The following ERICH6B variants were observed in gnomAD, a reference collection of about 807,000 sequenced individuals.
ERICH6B encodes glutamate rich 6B, also known as glutamate-rich protein 6B.
ERICH6B carries 69 observed loss-of-function variants against 80.0 expected under a neutral mutation model. The ratio of observed to expected loss-of-function variants is 0.86; its 90% confidence interval spans 0.71 to 1.05. The LOEUF (loss-of-function observed/expected upper bound fraction) is 1.05. ERICH6B is among the 50% of genes least tolerant of loss of function. The probability of loss-of-function intolerance (pLI) is 0.00; values close to 1 mark genes in which losing one functional copy is unlikely to be tolerated. For synonymous variants in ERICH6B, 283 were observed against 291.9 expected (o/e 0.97, Z 0.31); for missense variants, 754 against 796.1 (o/e 0.95, Z 0.64).
intron 2 of ERICH6B, among the ~76,000 whole-genome samples, chr13:45,602,085 A>G (rs2138029918): frequency 6.6e-6 from 1 of 152,298 alleles, no homozygotes; most frequent in Non-Finnish European, 1.5e-5. Flanking sequence ...TTTGCTTTCC[A>G]ACTACCCTGC....
At chr13:45,588,465 A>G (rs1311780119) in intron 4 of ERICH6B, among the ~76,000 whole-genome samples, 1 of 152,162 alleles carries the variant, frequency 6.6e-6, no homozygotes, top group African/African-American at 2.4e-5. Context: ...TGAGTTCCTT[A>G]GGCCCATGTC....
chr13:45,545,788 G>C (rs1198781476), intron 13 of ERICH6B, among the ~76,000 whole-genome samples: 3 of 152,160 alleles, frequency 2.0e-5, no homozygotes, highest in Admixed American at 2.0e-4. Context: ...CTCTGCAGGA[G>C]AGCTGAGCAG....
At chr13:45,557,284 T>C (rs1874481466) in intron 11 of ERICH6B, among the ~76,000 whole-genome samples, 1 of 152,204 alleles carries the variant, frequency 6.6e-6, no homozygotes. Context: ...ATGGGATTTT[T>C]TTTTCTTGCT....
At chr13:45,608,874 C>G (rs184326593) in intron 1 of ERICH6B, among the ~76,000 whole-genome samples, 1 of 152,156 alleles carries the variant, frequency 6.6e-6, no homozygotes, top group African/African-American at 2.4e-5. Context: ...GTGCCCTGAA[C>G]GGAGAAAGTT....
At chr13:45,574,136 T>C (rs917741616) in intron 8 of ERICH6B, among the ~76,000 whole-genome samples, 1 of 152,184 alleles carries the variant, frequency 6.6e-6, no homozygotes, top group Admixed American at 6.5e-5. Flanking sequence ...TAACTTTGGG[T>C]TCCAGAGACA....
At chr13:45,575,959 A>G (rs1875382709) in intron 7 of ERICH6B, among the ~76,000 whole-genome samples, 1 of 152,180 alleles carries the variant, frequency 6.6e-6, no homozygotes, top group Non-Finnish European at 1.5e-5. Flanking sequence ...TTCTGATGAC[A>G]CCAGCCCTTT....
rs780836528 is a variant in ERICH6B at position 45,568,318 on chromosome 13, A to G, written c.1184T>C (p.Ile395Thr). Residue 395 changes from isoleucine (I) to threonine (T), a missense_variant, in exon 9 of 15, where the codon ATT becomes ACT. Physicochemically the swap from Ile to Thr is moderately conservative, Grantham distance 89. Coordinates refer to ENST00000298738, the MANE Select transcript of ERICH6B (RefSeq NM_182542.3). The stretch of plus-strand genomic sequence containing the variant: ...CTTGGCCTCACCAGTTACTTACATA[A>G]TTACCAGTTTCCATCTGTTTTCACT... ...LESENRWKLV[I>T]MLKKNYEKFK... is the part of the protein sequence containing the mutation. 1 of 1,541,478 alleles carries G rather than the reference A, an allele frequency of 6.5e-7. No individual in the cohort carries two copies. The highest frequency in any genetic ancestry group is 1.2e-5 in the South Asian group (1 of 81,366).
At chr13:45,614,708 C>A (rs1368613452) in intron 1 of ERICH6B, among the ~76,000 whole-genome samples, 1 of 152,234 alleles carries the variant, frequency 6.6e-6, no homozygotes, top group African/African-American at 2.4e-5. Context: ...CTGTAAAGGA[C>A]TCCAAGGATT....
intron 13 of ERICH6B, among the ~76,000 whole-genome samples, chr13:45,549,176 C>T (rs1038868572): frequency 2.6e-5 from 4 of 151,660 alleles, no homozygotes; most frequent in East Asian, 1.9e-4. Flanking sequence ...CTCAGCTACT[C>T]GAGAGGTTAA....
At chr13:45,568,685 G>A (rs1384467272) in intron 8 of ERICH6B, among the ~76,000 whole-genome samples, 101 of 152,056 alleles carry the variant, frequency 6.6e-4, no homozygotes, top group Non-Finnish European at 1.0e-4. Context: ...CATGGCACAC[G>A]TTTACCTGTG....
chr13:45,545,131 A>G, intron 13 of ERICH6B, 146 bp from the exon 14 acceptor site: 1 of 676,332 alleles, frequency 1.5e-6, no homozygotes, highest in Admixed American at 2.8e-5. Context: ...AACATGGACA[A>G]CCAACCCAAC....
intron 11 of ERICH6B, chr13:45,555,513 C>T (rs1419246403): frequency 1.3e-5 from 2 of 152,212 alleles, no homozygotes; most frequent in Admixed American, 6.5e-5. Flanking sequence ...TGTCCTATTG[C>T]TTTTCCTCTT....
intron 11 of ERICH6B, among the ~76,000 whole-genome samples, chr13:45,556,002 C>T (rs7996187): frequency 0.15 from 22,468 of 147,608 alleles, 3,568 homozygotes; most frequent in African/African-American, 0.4. Context: ...GTCTCCATGG[C>T]TCACGCCCTC....
intron 3 of ERICH6B, among the ~76,000 whole-genome samples, chr13:45,596,146 C>G (rs1293851724): frequency 6.6e-6 from 1 of 152,160 alleles, no homozygotes; most frequent in East Asian, 1.9e-4. Context: ...GTAAATGAGT[C>G]TTCCTCCCTG....
intron 1 of ERICH6B, among the ~76,000 whole-genome samples, chr13:45,614,154 T>C (rs547780777): frequency 1.3e-5 from 2 of 152,334 alleles, no homozygotes; most frequent in South Asian, 4.1e-4. Flanking sequence ...AGTACATATT[T>C]CTGACGGCTC....
chr13:45,561,779 G>A (rs945342258), intron 10 of ERICH6B, among the ~76,000 whole-genome samples: 13 of 152,260 alleles, frequency 8.5e-5, no homozygotes, highest in East Asian at 3.9e-4. Context: ...TGCCTAGTGC[G>A]TGTCAGCCCA....
chr13:45,564,921 C>T lies in ERICH6B; in HGVS notation c.1188-1133G>A, dbSNP rs574427100. ...CTTGTTTTTTGCCCACCTTTGCAAG[C>T]GAGTGGAATCCCCATCAGGCGGCTC... is the stretch of plus-strand genomic sequence containing the variant. On this transcript the variant is annotated intron_variant, in intron 9 of 14. Transcript: ENST00000298738. 6.6e-5 allele frequency among the ~76,000 whole-genome samples: 10 copies of T among 152,244 alleles called. No individual in the cohort carries two copies. The South Asian group carries it at 1.2e-3, about 19-fold the overall frequency.
intron 8 of ERICH6B, among the ~76,000 whole-genome samples, chr13:45,573,252 A>G (rs1875251470): frequency 6.6e-6 from 1 of 152,220 alleles, no homozygotes; most frequent in South Asian, 2.1e-4. Flanking sequence ...ATGGTACAAG[A>G]TGTAATGGAA....
At chr13:45,563,831 C>G (rs1267368764) in intron 9 of ERICH6B, 43 bp from the exon 10 acceptor site, 2 of 1,477,708 alleles carry the variant, frequency 1.4e-6, no homozygotes, top group Admixed American at 3.9e-5. Flanking sequence ...AGACTAAGTT[C>G]ACGCATACAT....
Sources: allele counts gnomAD v4.1 joint callset (sites outside exome capture counted in the v4.1 genomes callset), GRCh38; gene constraint gnomAD v4.1.1; transcripts MANE v1.5; gene names NCBI Gene and HGNC (gene_info 2026-07-23, HGNC 2026-07-21).